The following ADSS1 variants were observed in gnomAD, a reference collection of about 807,000 sequenced individuals.
ADSS1 encodes adenylosuccinate synthase 1, also known as adenylosuccinate synthetase isozyme 1.
A neutral mutation model predicts 59.1 loss-of-function variants in ADSS1; 57 were observed. The observed-to-expected ratio is 0.97, with a 90% confidence interval of 0.78 to 1.20. The LOEUF is 1.20. ADSS1 is among the 50% of genes most tolerant of loss of function. ADSS1 has a pLI of 0.00. For missense variants in ADSS1, 603 were observed against 610.3 expected, an observed-to-expected ratio of 0.99 and a Z score of 0.13; for synonymous variants, 247 against 249.4, an observed-to-expected ratio of 0.99 and a Z score of 0.09.
chr14:104,737,497 C>G (rs1181108305), intron 2 of ADSS1: 2 of 152,210 alleles, frequency 1.3e-5, no homozygotes, highest in Non-Finnish European at 2.9e-5. Flanking sequence ...TGATGGGCCT[C>G]TTGACTGCTG....
chr14:104,742,398 T>C (rs1891399543), intron 9 of ADSS1, among the ~76,000 whole-genome samples: 1 of 152,200 alleles, frequency 6.6e-6, no homozygotes, highest in African/African-American at 2.4e-5. Flanking sequence ...TGTCCCCAGG[T>C]TGGGGGGTCC....
chr14:104,745,130 C>A (rs1446061440), intron 11 of ADSS1: 1 of 514,344 alleles, frequency 1.9e-6, no homozygotes, highest in Middle Eastern at 5.5e-4. Context: ...TGGCTGTAGG[C>A]CCCTTCCAGT....
chr14:104,744,848 G>C lies in ADSS1; in HGVS notation c.1110G>C (p.Leu370=). 1 of 1,614,200 alleles carries C rather than the reference G, an allele frequency of 6.2e-7. No individual in the cohort carries two copies. The highest frequency in any genetic ancestry group is 8.5e-7 in the Non-Finnish European group (1 of 1,180,034). Reference sequence around the variant, plus strand: ...CGAAGCTGGACATCCTGGACGTACTGGGTGAGGTTAAAGTCGGTGTCTCAT... The same window carrying C: ...CGAAGCTGGACATCCTGGACGTACTCGGTGAGGTTAAAGTCGGTGTCTCAT... ...ALTKLDILDV[L]GEVKVGVSYK... Residue 370 remains leucine, a synonymous_variant, in exon 11 of 13, where the codon CTG becomes CTC. Transcript: ENST00000330877.
intron 2 of ADSS1, among the ~76,000 whole-genome samples, chr14:104,736,523 A>C (rs1891128262): frequency 6.6e-6 from 1 of 152,116 alleles, no homozygotes; most frequent in Non-Finnish European, 1.5e-5. Flanking sequence ...TTTTGTGCTC[A>C]CCATGGCTTG....
At chr14:104,730,589 G>A (rs534661701) in intron 1 of ADSS1, among the ~76,000 whole-genome samples, 4 of 152,276 alleles carry the variant, frequency 2.6e-5, no homozygotes, top group Admixed American at 6.5e-5. Context: ...GAGGTGTAGA[G>A]AGATATTTAC....
chr14:104,745,866 T>TG, intron 11 of ADSS1: 1 of 167,410 alleles, frequency 6.0e-6, no homozygotes, highest in Non-Finnish European at 1.3e-5. Flanking sequence ...TTGATGCTCT[T>TG]GGGGTGGGAG....
rs936864896 is a variant in ADSS1, at chr14:104,728,041, T to C, written c.192+3579T>C. 3.9e-5 allele frequency among the ~76,000 whole-genome samples: 6 copies of C among 152,228 alleles called. No homozygotes were observed. The South Asian group carries it at 1.0e-3, about 26-fold the overall frequency. ...GCAGACGGGTGGAAAGCTATGGCCATGTATGCAGGGGTGTGAGATCACAGG... is the reference window on the plus strand; with the variant it reads ...GCAGACGGGTGGAAAGCTATGGCCACGTATGCAGGGGTGTGAGATCACAGG... On this transcript the variant is annotated intron_variant, in intron 1 of 12. Transcript: ENST00000330877.
chr14:104,736,812 C>T (rs1375098094), intron 2 of ADSS1, among the ~76,000 whole-genome samples: 1 of 150,200 alleles, frequency 6.7e-6, no homozygotes, highest in Admixed American at 6.6e-5. Context: ...ACCTACTGGG[C>T]CCAGGGGATC....
At position 104,733,076 on chromosome 14, in the gene ADSS1, A is replaced by C. The variant is rs569437604; in HGVS notation, c.193-1944A>C. 4.0e-5 allele frequency among the ~76,000 whole-genome samples: 6 copies of C among 151,790 alleles called. No individual in the cohort carries two copies. In the South Asian group the frequency reaches 1.3e-3, roughly 32 times the overall value. On this transcript the variant is annotated intron_variant, in intron 1 of 12. Coordinates refer to ENST00000330877, the MANE Select transcript of ADSS1 (RefSeq NM_152328.5). ...CCGCCCAGGCTGCAGAAGTACCCTG[A>C]CCCTCCACCCCCACCCTGCCTTGGC... is the stretch of plus-strand genomic sequence containing the variant.
rs181898104 is a variant in ADSS1, at chr14:104,740,187, A to G, written c.476+371A>G. Among the ~76,000 whole-genome samples, 9 of 152,274 alleles carry G rather than the reference A, an allele frequency of 5.9e-5. No individual in the cohort carries two copies. Among genetic ancestry groups the G allele is most frequent in the Admixed American group, 2.0e-4 (3 of 15,304 alleles). ...AGATGTGCCAAGGACACAGGAGTGAAGCAGATGAGTGTCCTGCCTCAGAGA... is the reference window on the plus strand; with the variant it reads ...AGATGTGCCAAGGACACAGGAGTGAGGCAGATGAGTGTCCTGCCTCAGAGA... On this transcript the variant is annotated intron_variant, in intron 5 of 12. Coordinates refer to ENST00000330877, the MANE Select transcript of ADSS1 (RefSeq NM_152328.5). The surrounding 1 kb of genome is among the most constrained non-coding windows in gnomAD (Gnocchi z 4.8).
At chr14:104,741,722 A>G in intron 8 of ADSS1, 126 bp from the exon 9 acceptor site, 3 of 1,214,066 alleles carry the variant, frequency 2.5e-6, no homozygotes, top group Non-Finnish European at 3.5e-6. Flanking sequence ...CAGGCTGGCG[A>G]CCCCACGGAG....
intron 3 of ADSS1, 58 bp downstream of exon 3, chr14:104,738,496 T>C (rs559055917): frequency 6.3e-7 from 1 of 1,585,202 alleles, no homozygotes; most frequent in South Asian, 1.1e-5. Context: ...TGAGCGGTTG[T>C]TGGCTGGAGC....
At chr14:104,739,128 G>A (rs939987964) in intron 3 of ADSS1, among the ~76,000 whole-genome samples, 200 bp from the exon 4 acceptor site, 2 of 152,026 alleles carry the variant, frequency 1.3e-5, no homozygotes, top group Non-Finnish European at 2.9e-5. Context: ...GTGGAGTGAG[G>A]GTCCGGGAGT....
At chr14:104,745,258 A>G in intron 11 of ADSS1, 1 of 268,116 alleles carries the variant, frequency 3.7e-6, no homozygotes, top group South Asian at 5.1e-5. Context: ...GAGTTAGTGG[A>G]TGCGGTCGGC....
At chr14:104,743,481 CGGAAGTACCCA>C (rs1891448598) in intron 10 of ADSS1, 1 of 361,858 alleles carries the variant, frequency 2.8e-6, no homozygotes. Context: ...ATGTGGAGAG[CGGAAGTACCCA>C]GGACGAAAGG....
chr14:104,738,847 T>C (rs567183666), intron 3 of ADSS1, among the ~76,000 whole-genome samples: 154 of 152,108 alleles, frequency 1.0e-3, no homozygotes, highest in African/African-American at 3.6e-3. Context: ...TCAGACCTAG[T>C]GTGGGCAGGG....
intron 1 of ADSS1, among the ~76,000 whole-genome samples, chr14:104,731,205 C>T (rs1890920834): frequency 6.6e-6 from 1 of 152,224 alleles, no homozygotes; most frequent in South Asian, 2.1e-4. Context: ...CGCACCCTTG[C>T]ATCACTGTGC....
chr14:104,738,524 C>A lies in ADSS1; in HGVS notation c.358+86C>A, dbSNP rs1001854615. 4 of 1,473,468 alleles carry A rather than the reference C, an allele frequency of 2.7e-6. No individual in the cohort carries two copies. The African/African-American group carries it at 4.2e-5, about 15-fold the overall frequency. 91.3% of individuals were successfully genotyped at this position (1,473,468 alleles called of 1,614,324 possible). A position where few individuals can be genotyped will look rare whatever the true frequency, so the allele number is the denominator to read the frequency against. The stretch of plus-strand genomic sequence containing the variant: ...GCTGGAGCCTTCCTGAGGGTTTCTC[C>A]CACGGAGGGGACTGGCAGGGGTGGG... On this transcript the variant is annotated intron_variant, in intron 3 of 12. Transcript: ENST00000330877.
At chr14:104,734,967 C>A in intron 1 of ADSS1, 53 bp from the exon 2 acceptor site, 2 of 1,523,460 alleles carry the variant, frequency 1.3e-6, no homozygotes, top group East Asian at 2.3e-5. Context: ...AGTCCATGTC[C>A]GGGGGGTCCT....
Sources: allele counts gnomAD v4.1 joint callset (sites outside exome capture counted in the v4.1 genomes callset), GRCh38; gene constraint gnomAD v4.1.1; non-coding constraint Gnocchi (gnomAD v3.1); transcripts MANE v1.5; gene names NCBI Gene and HGNC (gene_info 2026-07-23, HGNC 2026-07-21).